PCED1B: variants seen among roughly 807,000 people sequenced by gnomAD.
PCED1B encodes PC-esterase domain containing 1B.
For missense variants in PCED1B, 573 were observed against 573.9 expected, an observed-to-expected ratio of 1.00 and a Z score of 0.02; for synonymous variants, 251 against 246.1, an observed-to-expected ratio of 1.02 and a Z score of -0.19.
chr12:47,085,796 A>G (rs1172732337), intron 1 of PCED1B, among the ~76,000 whole-genome samples: 2 of 152,222 alleles, frequency 1.3e-5, no homozygotes, highest in East Asian at 3.8e-4. Flanking sequence ...GTGAGAAGAA[A>G]AAGTACAATG....
chr12:47,163,333 A>G (rs1027141396), intron 2 of PCED1B, among the ~76,000 whole-genome samples: 2 of 152,218 alleles, frequency 1.3e-5, no homozygotes, highest in African/African-American at 4.8e-5. Context: ...GGTTTTCAAC[A>G]TATAAGATTA....
At chr12:47,139,648 T>G (rs1940515726) in intron 2 of PCED1B, among the ~76,000 whole-genome samples, 1 of 152,108 alleles carries the variant, frequency 6.6e-6, no homozygotes, top group Non-Finnish European at 1.5e-5. Flanking sequence ...AGGGAATGTA[T>G]GTGTGGTATG....
chr12:47,095,845 A>G (rs2137194910), intron 1 of PCED1B, among the ~76,000 whole-genome samples: 1 of 148,816 alleles, frequency 6.7e-6, no homozygotes, highest in Middle Eastern at 3.4e-3. Flanking sequence ...AATCATAAGT[A>G]TTATAAATTC....
intron 3 of PCED1B, among the ~76,000 whole-genome samples, chr12:47,221,059 T>C (rs1013814643): frequency 1.9e-4 from 29 of 152,196 alleles, no homozygotes; most frequent in African/African-American, 6.8e-4. Flanking sequence ...ATTAAATGAA[T>C]TTGAAACTTT....
chr12:47,207,199 C>T (rs1269137389), intron 2 of PCED1B, among the ~76,000 whole-genome samples: 1 of 152,166 alleles, frequency 6.6e-6, no homozygotes, highest in Non-Finnish European at 1.5e-5. Flanking sequence ...AGGACTTTAG[C>T]CTGAAGGTGA....
intron 2 of PCED1B, among the ~76,000 whole-genome samples, chr12:47,179,768 C>A (rs1322582729): frequency 6.6e-6 from 1 of 152,100 alleles, no homozygotes; most frequent in Non-Finnish European, 1.5e-5. Context: ...AGGTACTCTT[C>A]TAGAGACTGA....
rs1225290359 is a variant in PCED1B, at chr12:47,217,791, G to A, written c.-58+1102G>A. Reference sequence around the variant, plus strand: ...AGGGTTTCACCATGTTGGCCAGGCTGATCTTGAACTCCAGACCTCAGGTGA... The same window carrying A: ...AGGGTTTCACCATGTTGGCCAGGCTAATCTTGAACTCCAGACCTCAGGTGA... On this transcript the variant is annotated intron_variant, in intron 3 of 3. Transcript: ENST00000546455. Among the ~76,000 whole-genome samples the A allele has an allele frequency of 3.9e-5, 6 of 152,276 alleles. No homozygotes were observed. In the East Asian group the frequency reaches 9.7e-4, roughly 25 times the overall value.
At position 47,197,935 on chromosome 12, in the gene PCED1B, A is replaced by G. The variant is rs148175005; in HGVS notation, c.-525-18287A>G. On this transcript the variant is annotated intron_variant, in intron 2 of 3. Transcript: ENST00000546455. ...CTAAAACAGAAAGCACCAGGCCCAG[A>G]TGGGTTCACTGGCTAATTCTACTGA... Among the ~76,000 whole-genome samples the G allele has an allele frequency of 3.4e-3, 515 of 152,302 alleles. 4 individuals are homozygous for G. Among genetic ancestry groups the G allele is most frequent in the African/African-American group, 0.012 (492 of 41,564 alleles).
At position 47,181,362 on chromosome 12, in the gene PCED1B, A is replaced by ATTCT. The variant is rs1287768699; in HGVS notation, c.-525-34856_-525-34853dup. On this transcript the variant is annotated intron_variant, in intron 2 of 3. Coordinates refer to ENST00000546455, the MANE Select transcript of PCED1B (RefSeq NM_138371.3). ...TAGAAAGAATATTAGAATGAGATAG[A>ATTCT]TTCTTTCATTATTTTTTTTTTTTTG... Among the ~76,000 whole-genome samples, 3 of 144,290 alleles carry ATTCT rather than the reference A, an allele frequency of 2.1e-5. No individual in the cohort carries two copies. The East Asian group carries it at 6.7e-4, about 32-fold the overall frequency. 94.7% of individuals were successfully genotyped at this position (144,290 alleles called of 152,430 possible).
At position 47,197,353 on chromosome 12, in the gene PCED1B, TC is replaced by T. The variant is rs1181660360; in HGVS notation, c.-525-18866del. ...CCGGTGCAGTGGCTCACGCCTGTAATCCCAGCACTTTGGGAGGCCGAGGAAG... is the reference window on the plus strand; with the variant it reads ...CCGGTGCAGTGGCTCACGCCTGTAATCCAGCACTTTGGGAGGCCGAGGAAG... On this transcript the variant is annotated intron_variant, in intron 2 of 3. Transcript: ENST00000546455. Among the ~76,000 whole-genome samples, 3 of 148,094 alleles carry T rather than the reference TC, an allele frequency of 2.0e-5. No homozygotes were observed. The East Asian group carries it at 6.5e-4, about 32-fold the overall frequency.
intron 3 of PCED1B, among the ~76,000 whole-genome samples, chr12:47,229,735 C>T (rs920509913): frequency 1.3e-5 from 2 of 151,946 alleles, no homozygotes; most frequent in African/African-American, 4.8e-5. Context: ...TCTGACTCAG[C>T]TTATATGTTT....
chr12:47,093,084 G>A (rs1411323136), intron 1 of PCED1B, among the ~76,000 whole-genome samples: 1 of 151,706 alleles, frequency 6.6e-6, no homozygotes, highest in South Asian at 2.1e-4. Context: ...TTCCTTAAGT[G>A]TTTGGAAGAA....
intron 1 of PCED1B, among the ~76,000 whole-genome samples, chr12:47,099,107 G>A (rs949493918): frequency 6.6e-6 from 1 of 152,104 alleles, no homozygotes; most frequent in Non-Finnish European, 1.5e-5. Context: ...GGCCCTTCTC[G>A]CTCCTATCAA....
chr12:47,169,260 C>G (rs578215488), intron 2 of PCED1B, among the ~76,000 whole-genome samples: 1 of 152,292 alleles, frequency 6.6e-6, no homozygotes, highest in South Asian at 2.1e-4. Context: ...GGAAACTTAG[C>G]AAGGCCTATT....
chr12:47,158,750 G>A (rs529909770), intron 2 of PCED1B, among the ~76,000 whole-genome samples: 4 of 152,264 alleles, frequency 2.6e-5, no homozygotes, highest in Admixed American at 2.0e-4. Context: ...ATCACCTCAA[G>A]TATTTATCAC....
chr12:47,119,894 G>C (rs574394025), intron 2 of PCED1B, among the ~76,000 whole-genome samples: 2 of 151,820 alleles, frequency 1.3e-5, no homozygotes, highest in South Asian at 4.2e-4. Context: ...TTGAACCCAG[G>C]GGGCGGAGGT....
chr12:47,146,679 C>CT (rs530827847), intron 2 of PCED1B, among the ~76,000 whole-genome samples: 13 of 152,002 alleles, frequency 8.6e-5, no homozygotes, highest in African/African-American at 1.4e-4. Context: ...AAGGTATGTA[C>CT]TTTTTTTTAG....
chr12:47,210,760 G>A (rs753948613), intron 2 of PCED1B: 7 of 151,976 alleles, frequency 4.6e-5, no homozygotes, highest in African/African-American at 1.7e-4. Context: ...GCAACACTCT[G>A]TCTGAAAAAA....
chr12:47,167,621 G>A (rs1262546632), intron 2 of PCED1B, among the ~76,000 whole-genome samples: 1 of 152,202 alleles, frequency 6.6e-6, no homozygotes, highest in Non-Finnish European at 1.5e-5. Flanking sequence ...ACAATGAAGT[G>A]AGTGTCATAA....
Sources: gnomAD v4.1 joint callset for allele counts (sites outside exome capture counted in the v4.1 genomes callset) on GRCh38, gnomAD v4.1.1 for gene constraint, MANE v1.5 for transcripts, NCBI Gene and HGNC (gene_info 2026-07-23, HGNC 2026-07-21) for gene names.